Variants in SLC7A7 observed in about 807,000 individuals in gnomAD.
SLC7A7 encodes Y+L amino acid transporter 1.
A neutral mutation model predicts 47.9 loss-of-function variants in SLC7A7; 39 were observed. That is an observed-to-expected ratio of 0.81 (90% CI 0.63 to 1.06). The LOEUF (loss-of-function observed/expected upper bound fraction) is 1.06. SLC7A7 is among the 50% of genes least tolerant of loss of function. The pLI is 0.00. For missense variants in SLC7A7, 588 were observed against 632.0 expected (o/e 0.93, Z 0.75); for synonymous variants, 234 against 242.8 (o/e 0.96, Z 0.34).
chr14:22,778,629 T>C (rs1295100015), intron 4 of SLC7A7, among the ~76,000 whole-genome samples, 164 bp downstream of exon 4: 1 of 152,228 alleles, frequency 6.6e-6, no homozygotes, highest in Non-Finnish European at 1.5e-5. Context: ...CCTGTTACTG[T>C]GATCATAGAC....
intron 2 of SLC7A7, among the ~76,000 whole-genome samples, chr14:22,796,198 G>A (rs1271249469): frequency 6.6e-6 from 1 of 152,084 alleles, no homozygotes; most frequent in Non-Finnish European, 1.5e-5. Context: ...AGTCCGTTGG[G>A]GGGCCCAGCA....
upstream of SLC7A7, chr14:22,815,683 G>A (rs778146658): frequency 1.0e-4 from 46 of 453,914 alleles, no homozygotes; most frequent in Non-Finnish European, 1.5e-4. Flanking sequence ...CAGAAGAAAG[G>A]ACAGTCAGCT....
intron 6 of SLC7A7, 24 bp from the exon 7 acceptor site, chr14:22,775,564 G>A (rs1290333745): frequency 1.2e-6 from 2 of 1,604,400 alleles, no homozygotes; most frequent in East Asian, 2.2e-5. Context: ...GATAGGAGAA[G>A]CTGAGAAAAT....
chr14:22,794,716 G>C (rs2038981300), intron 2 of SLC7A7, among the ~76,000 whole-genome samples: 2 of 152,156 alleles, frequency 1.3e-5, no homozygotes. Flanking sequence ...TATCAGAACA[G>C]TCGCAACCCT....
At chr14:22,812,168 T>A (rs1380725667) in intron 2 of SLC7A7, among the ~76,000 whole-genome samples, 3 of 152,022 alleles carry the variant, frequency 2.0e-5, no homozygotes, top group African/African-American at 7.2e-5. Context: ...CTCTTTTTTT[T>A]TTATTTTTAT....
At position 22,773,277 on chromosome 14, in the gene SLC7A7, C is replaced by CTAA. The variant is rs1216776417; in HGVS notation, c.*330_*332dup. On this transcript the variant is annotated 3_prime_UTR_variant, in exon 10 of 10. Transcript: ENST00000674313. ...GCACCTGTGATAGTTTCATGTCTCT[C>CTAA]TAAAGGAGACAGGAAATTGGAGCAT... The CTAA allele has an allele frequency of 4.2e-6, 2 of 472,484 alleles. No homozygotes were observed. The highest frequency in any genetic ancestry group is 4.8e-5 in the Admixed American group (2 of 41,476). 29.3% of individuals were successfully genotyped at this position (472,484 alleles called of 1,614,324 possible).
intron 4 of SLC7A7, 59 bp downstream of exon 4, chr14:22,778,734 T>G (rs2038660942): frequency 6.3e-7 from 1 of 1,584,104 alleles, no homozygotes; most frequent in South Asian, 1.1e-5. Flanking sequence ...TGGCACGTAG[T>G]AGGAGCTCAT....
intron 4 of SLC7A7, among the ~76,000 whole-genome samples, chr14:22,777,487 A>G (rs953371500): frequency 1.6e-4 from 25 of 152,200 alleles, no homozygotes; most frequent in African/African-American, 6.0e-4. Context: ...ACTGGTGGGC[A>G]AAAGAAAGAT....
At chr14:22,779,430 G>A (rs1395206298) in intron 3 of SLC7A7, among the ~76,000 whole-genome samples, 1 of 151,556 alleles carries the variant, frequency 6.6e-6, no homozygotes, top group Non-Finnish European at 1.5e-5. Context: ...CTTACCGGTA[G>A]CAACTTGGGC....
chr14:22,777,459 A>G (rs535152968), intron 4 of SLC7A7, among the ~76,000 whole-genome samples: 1 of 152,240 alleles, frequency 6.6e-6, no homozygotes, highest in African/African-American at 2.4e-5. Context: ...CAGTTTGAGA[A>G]CCTCAGGAGC....
upstream of SLC7A7, among the ~76,000 whole-genome samples, chr14:22,818,620 C>T (rs1172542206): frequency 1.3e-5 from 2 of 148,662 alleles, no homozygotes; most frequent in Admixed American, 6.7e-5. Flanking sequence ...TTTTTTTACC[C>T]GAGATGGAGT....
chr14:22,806,895 C>CTTTTTTTTT (rs397852982), intron 2 of SLC7A7, among the ~76,000 whole-genome samples: 1 of 123,628 alleles, frequency 8.1e-6, no homozygotes, highest in African/African-American at 3.1e-5. Flanking sequence ...CCACTGTTAA[C>CTTTTTTTTT]TTTTTTTTTT....
At chr14:22,775,719 AAG>A in intron 6 of SLC7A7, 112 bp downstream of exon 6, 1 of 951,066 alleles carries the variant, frequency 1.1e-6, no homozygotes, top group Non-Finnish European at 1.7e-6. Context: ...AACAAGAAGA[AAG>A]AGGTTGTGGT....
At chr14:22,804,445 AAT>A (rs1301811859) in intron 2 of SLC7A7, among the ~76,000 whole-genome samples, 5 of 152,202 alleles carry the variant, frequency 3.3e-5, no homozygotes, top group Non-Finnish European at 7.3e-5. Context: ...AATGGGAGAA[AAT>A]TTTTGCAATC....
At chr14:22,776,018 T>C in intron 5 of SLC7A7, 82 bp from the exon 6 acceptor site, 1 of 1,413,394 alleles carries the variant, frequency 7.1e-7, no homozygotes, top group Non-Finnish European at 1.0e-6. Flanking sequence ...AGATTCCCCT[T>C]ATTAGGTATT....
At chr14:22,800,563 G>A (rs1317241328) in intron 2 of SLC7A7, among the ~76,000 whole-genome samples, 1 of 152,202 alleles carries the variant, frequency 6.6e-6, no homozygotes, top group African/African-American at 2.4e-5. Flanking sequence ...TAAGCAGTCT[G>A]ACTGCCCACG....
chr14:22,793,591 C>T (rs958089590), intron 2 of SLC7A7, among the ~76,000 whole-genome samples: 5 of 152,014 alleles, frequency 3.3e-5, no homozygotes, highest in African/African-American at 9.7e-5. Context: ...GAGGGCGGAT[C>T]ACCTGAGGTC....
At chr14:22,819,172 G>C (rs1296440709), upstream of SLC7A7, among the ~76,000 whole-genome samples, 2 of 152,006 alleles carry the variant, frequency 1.3e-5, no homozygotes, top group Non-Finnish European at 2.9e-5. Flanking sequence ...CGGGGTCTTG[G>C]CTCCTCAGCC....
intron 2 of SLC7A7, among the ~76,000 whole-genome samples, chr14:22,801,898 T>C (rs536452659): frequency 6.6e-6 from 1 of 152,328 alleles, no homozygotes; most frequent in East Asian, 1.9e-4. Flanking sequence ...ACAATGACAG[T>C]GCAGGGAACG....
Sources: gnomAD v4.1 joint callset for allele counts (sites outside exome capture counted in the v4.1 genomes callset) on GRCh38, gnomAD v4.1.1 for gene constraint, MANE v1.5 for transcripts, NCBI Gene and HGNC (gene_info 2026-07-23, HGNC 2026-07-21) for gene names.